ANKRD55: variants seen among roughly 807,000 people sequenced by gnomAD.
ANKRD55 encodes ankyrin repeat domain-containing protein 55.
A neutral mutation model predicts 60.6 loss-of-function variants in ANKRD55; 41 were observed. The observed-to-expected ratio is 0.68, with a 90% CI of 0.53 to 0.88. The LOEUF (loss-of-function observed/expected upper bound fraction) is 0.88. Among genes scored for constraint, ANKRD55 ranks in the 40% least tolerant of loss-of-function variants. The pLI, the probability that ANKRD55 is intolerant of heterozygous loss-of-function variation, is 0.00. For missense variants in ANKRD55, 732 were observed against 767.6 expected (o/e 0.95, Z 0.55); for synonymous variants, 264 against 290.3 (o/e 0.91, Z 0.92).
At chr5:56,206,570 T>A (rs1418501865) in intron 2 of ANKRD55, among the ~76,000 whole-genome samples, 1 of 152,090 alleles carries the variant, frequency 6.6e-6, no homozygotes, top group Non-Finnish European at 1.5e-5. Flanking sequence ...GAAGTGTTAG[T>A]GGTAGGTGAG....
chr5:56,210,603 A>G (rs2111873114), intron 2 of ANKRD55, among the ~76,000 whole-genome samples: 1 of 151,580 alleles, frequency 6.6e-6, no homozygotes, highest in African/African-American at 2.4e-5. Context: ...CTTTATATAC[A>G]GTAAAGACAC....
intron 2 of ANKRD55, among the ~76,000 whole-genome samples, chr5:56,221,358 T>C (rs1324396528): frequency 6.6e-6 from 1 of 152,158 alleles, no homozygotes; most frequent in African/African-American, 2.4e-5. Context: ...AACCTGCACA[T>C]TGAGGGAGGT....
intron 9 of ANKRD55, among the ~76,000 whole-genome samples, chr5:56,112,511 A>AAAAAAAAC (rs1554036588): frequency 2.5e-5 from 2 of 81,522 alleles, no homozygotes; most frequent in African/African-American, 5.4e-5. Context: ...TAGCAAAAAA[A>AAAAAAAAC]AAAAAAAAAA....
chr5:56,170,560 G>T (rs1580998725), intron 5 of ANKRD55, 134 bp downstream of exon 5: 2 of 657,184 alleles, frequency 3.0e-6, no homozygotes, highest in Non-Finnish European at 2.6e-6. Flanking sequence ...GGTCCTATCT[G>T]CTGCAACTTC....
rs527419962 is a variant in ANKRD55, at chr5:56,145,369, C to T, written c.484-1440G>A. Among the ~76,000 whole-genome samples, 25 of 152,292 alleles carry T rather than the reference C, an allele frequency of 1.6e-4. 1 individual carries two copies. The highest frequency in any genetic ancestry group is 1.5e-3 in the South Asian group (7 of 4,826). ...CCCCAGGCCTGGGCTAGAAAAAAAG[C>T]CCATGTGGTCCTCCACATCTTCTTT... On this transcript the variant is annotated intron_variant, in intron 6 of 11. Coordinates refer to ENST00000341048, the MANE Select transcript of ANKRD55 (RefSeq NM_024669.3).
intron 2 of ANKRD55, among the ~76,000 whole-genome samples, chr5:56,189,109 A>G (rs914633457): frequency 6.6e-6 from 1 of 152,130 alleles, no homozygotes; most frequent in Non-Finnish European, 1.5e-5. Context: ...AGAATGGTTG[A>G]AGGAGATAAA....
chr5:56,129,319 T>C (rs895068814), intron 7 of ANKRD55, among the ~76,000 whole-genome samples: 2 of 152,218 alleles, frequency 1.3e-5, no homozygotes, highest in African/African-American at 4.8e-5. Flanking sequence ...GAAACAGTAT[T>C]GTACATATCC....
At chr5:56,112,149 G>A (rs923600447) in intron 9 of ANKRD55, among the ~76,000 whole-genome samples, 4 of 152,104 alleles carry the variant, frequency 2.6e-5, no homozygotes, top group Non-Finnish European at 5.9e-5. Flanking sequence ...CAGTCAGTAG[G>A]CACGCAAGTT....
chr5:56,127,242 TG>T (rs1757291655), intron 7 of ANKRD55, 136 bp from the exon 8 acceptor site: 1 of 1,295,004 alleles, frequency 7.7e-7, no homozygotes, highest in Non-Finnish European at 9.8e-7. Flanking sequence ...GAAAAGGAAA[TG>T]GAAAAAAAAG....
At chr5:56,106,817 G>C (rs943711116) in intron 10 of ANKRD55, among the ~76,000 whole-genome samples, 3 of 151,946 alleles carry the variant, frequency 2.0e-5, no homozygotes. Context: ...ACTAGTCTGG[G>C]TAACAAAGTG....
At chr5:56,189,703 C>A (rs1310428096) in intron 2 of ANKRD55, among the ~76,000 whole-genome samples, 1 of 152,204 alleles carries the variant, frequency 6.6e-6, no homozygotes, top group East Asian at 1.9e-4. Context: ...GTATGCATCA[C>A]ATTTTGTTTA....
chr5:56,231,649 GCGCGCACACACA>G lies in ANKRD55; in HGVS notation c.58+1195_58+1206del, dbSNP rs1273489515. On this transcript the variant is annotated intron_variant, in intron 2 of 11. Transcript: ENST00000341048. The stretch of plus-strand genomic sequence containing the variant: ...CGGTATGAGCCGGCACGTTCTGAAG[GCGCGCACACACA>G]CACACACACACACACACACACACAC... 1.9e-3 allele frequency among the ~76,000 whole-genome samples: 247 copies of G among 127,846 alleles called. 1 individual carries two copies. The highest frequency in any genetic ancestry group is 3.2e-3 in the Non-Finnish European group (186 of 58,696). The allele number at this position is 127,846 out of a possible 152,430, so 83.9% of individuals were successfully genotyped here.
intron 9 of ANKRD55, among the ~76,000 whole-genome samples, chr5:56,112,659 T>C (rs1756768537): frequency 6.6e-6 from 1 of 152,150 alleles, no homozygotes; most frequent in African/African-American, 2.4e-5. Flanking sequence ...AGGCCAGCAG[T>C]TGTCGAGAGG....
chr5:56,146,229 A>G (rs1757890372), intron 6 of ANKRD55, among the ~76,000 whole-genome samples: 1 of 151,954 alleles, frequency 6.6e-6, no homozygotes, highest in Non-Finnish European at 1.5e-5. Flanking sequence ...TGCCAGGCAC[A>G]TTATAGATGC....
At position 56,135,288 on chromosome 5, in the gene ANKRD55, C is replaced by CT. The variant is rs1561263938; in HGVS notation, c.613-8183dup. Among the ~76,000 whole-genome samples, 192 of 93,032 alleles carry CT rather than the reference C, an allele frequency of 2.1e-3. 11 individuals carry two copies. Among genetic ancestry groups the CT allele is most frequent in the African/African-American group, 4.0e-3 (103 of 25,994 alleles). The allele number at this position is 93,032 out of a possible 152,430, so 61.0% of individuals were successfully genotyped here. A position where few individuals can be genotyped will look rare whatever the true frequency, so the allele number is the denominator to read the frequency against. ...TTTCCCTCCCTCCCTCCCTGCCTGC[C>CT]TGCTTGCTTTCTTTCTTTCTTTCTT... On this transcript the variant is annotated intron_variant, in intron 7 of 11. Transcript: ENST00000341048.
intron 2 of ANKRD55, among the ~76,000 whole-genome samples, chr5:56,211,045 G>A (rs1001035640): frequency 6.6e-6 from 1 of 152,106 alleles, no homozygotes; most frequent in Non-Finnish European, 1.5e-5. Flanking sequence ...AGTGGTGTGC[G>A]TGAATTTGGG....
chr5:56,139,911 T>C (rs933441941), intron 7 of ANKRD55, among the ~76,000 whole-genome samples: 4 of 151,816 alleles, frequency 2.6e-5, no homozygotes, highest in Non-Finnish European at 5.9e-5. Context: ...GTCTCTACTT[T>C]AAAAAAAATT....
At chr5:56,208,379 A>G (rs1213732719) in intron 2 of ANKRD55, among the ~76,000 whole-genome samples, 1 of 152,046 alleles carries the variant, frequency 6.6e-6, no homozygotes, top group South Asian at 2.1e-4. Flanking sequence ...GTATTAACGT[A>G]CTGTACATAA....
intron 2 of ANKRD55, among the ~76,000 whole-genome samples, chr5:56,198,442 C>T (rs572548444): frequency 4.1e-4 from 63 of 152,118 alleles, no homozygotes; most frequent in Non-Finnish European, 7.1e-4. Flanking sequence ...TGCACCACCA[C>T]GCCCAGCTCA....
Sources: allele counts gnomAD v4.1 joint callset (sites outside exome capture counted in the v4.1 genomes callset), GRCh38; gene constraint gnomAD v4.1.1; transcripts MANE v1.5; gene names NCBI Gene and HGNC (gene_info 2026-07-23, HGNC 2026-07-21).